The following CD247 variants were observed in gnomAD, a reference collection of about 807,000 sequenced individuals.
CD247 encodes the protein T-cell surface glycoprotein CD3 zeta chain.
CD247 carries 13 observed loss-of-function variants against 30.0 expected under a neutral mutation model. The observed-to-expected ratio is 0.43, with a 90% CI of 0.28 to 0.69. The LOEUF is 0.69. Ranked by LOEUF, CD247 falls within the 30% of genes least tolerant of loss-of-function variation. The pLI, the probability that CD247 is intolerant of heterozygous loss-of-function variation, is 0.16. For missense variants in CD247, 193 were observed against 212.6 expected, an observed-to-expected ratio of 0.91 and a Z score of 0.57; for synonymous variants, 72 against 80.0, an observed-to-expected ratio of 0.90 and a Z score of 0.53.
intron 1 of CD247, among the ~76,000 whole-genome samples, chr1:167,486,266 C>T (rs1044192276): frequency 2.0e-5 from 3 of 152,224 alleles, no homozygotes; most frequent in Admixed American, 6.5e-5. Flanking sequence ...GACACAGGAC[C>T]TGCCCGAATC....
intron 1 of CD247, among the ~76,000 whole-genome samples, chr1:167,514,428 T>C (rs943941381): frequency 2.0e-5 from 3 of 152,146 alleles, no homozygotes; most frequent in Non-Finnish European, 4.4e-5. Flanking sequence ...TTATTGATAA[T>C]TATTGCACAT....
intron 1 of CD247, among the ~76,000 whole-genome samples, chr1:167,474,397 A>C (rs942138341): frequency 6.6e-6 from 1 of 152,076 alleles, no homozygotes; most frequent in African/African-American, 2.4e-5. Flanking sequence ...TGGCAGAGGC[A>C]CACTTGTTTG....
Position 167,431,260 on chromosome 1 carries a change from A to G in CD247, c.*421T>C, listed in dbSNP as rs1260300655. ...AGGTGAAGGTGACAACAGAAGCCAA[A>G]TTTACAGCAGGAGTGAAGCCACTCA... On this transcript the variant is annotated 3_prime_UTR_variant, in exon 8 of 8. Coordinates refer to ENST00000362089, the MANE Select transcript of CD247 (RefSeq NM_198053.3). 1 of 513,044 alleles carries G rather than the reference A, an allele frequency of 1.9e-6. No individual in the cohort carries two copies. The highest frequency in any genetic ancestry group is 3.4e-6 in the Non-Finnish European group (1 of 293,256). 31.8% of individuals were successfully genotyped at this position (513,044 alleles called of 1,614,324 possible). A position where few individuals can be genotyped will look rare whatever the true frequency, so the allele number is the denominator to read the frequency against.
intron 1 of CD247, chr1:167,458,537 C>T (rs1053065566): frequency 2.0e-5 from 3 of 152,254 alleles, no homozygotes; most frequent in Non-Finnish European, 4.4e-5. Context: ...CTGTGTTCGA[C>T]TCATCTTACG....
At chr1:167,449,912 G>A (rs1175414913) in intron 1 of CD247, among the ~76,000 whole-genome samples, 1 of 150,994 alleles carries the variant, frequency 6.6e-6, no homozygotes, top group Admixed American at 6.6e-5. Context: ...GACAAAGTGA[G>A]ACTCTGTCTC....
rs1651696990 is a variant in CD247, at chr1:167,439,279, G to A, written c.219+65C>T. The A allele has an allele frequency of 4.8e-6, 7 of 1,458,496 alleles. No homozygotes were observed. The African/African-American group carries it at 8.3e-5, about 17-fold the overall frequency. 90.3% of individuals were successfully genotyped at this position (1,458,496 alleles called of 1,614,324 possible). A position where few individuals can be genotyped will look rare whatever the true frequency, so the allele number is the denominator to read the frequency against. On this transcript the variant is annotated intron_variant, in intron 3 of 7. Coordinates refer to ENST00000362089, the MANE Select transcript of CD247 (RefSeq NM_198053.3). The stretch of plus-strand genomic sequence containing the variant: ...CTAAACCCAAGACTCTGGCGGGCGC[G>A]TTCCCTAGGTCCGAGGAGGAGGCTG...
At chr1:167,516,286 C>T (rs931351571) in intron 1 of CD247, among the ~76,000 whole-genome samples, 8 of 152,258 alleles carry the variant, frequency 5.3e-5, no homozygotes, top group Non-Finnish European at 7.3e-5. Flanking sequence ...CCACTAGGCA[C>T]GCCATCTTAG....
At chr1:167,434,678 CT>C (rs1159605149) in intron 5 of CD247, 2 of 415,994 alleles carry the variant, frequency 4.8e-6, no homozygotes, top group African/African-American at 4.1e-5. Flanking sequence ...TCGTCCTTGC[CT>C]AGCTTGACCT....
Position 167,434,043 on chromosome 1 carries a change from T to A in CD247, c.370A>T (p.Ser124Cys), listed in dbSNP as rs1651406974. The change falls in exon 6 of 8, where the codon AGT (serine) becomes TGT (cysteine). Residue 124 changes from serine to cysteine, a missense_variant. By Grantham distance (112) the Ser-to-Cys change is moderately radical. Transcript: ENST00000362089. ...ACCTCGCCTTTCATCCCAATCTCAC[T>A]GTAGGCCTCCGCCATCTTATCTTTC... ...LQKDKMAEAY[S>C]EIGMKGERRR... 2 of 1,614,164 alleles carry A rather than the reference T, an allele frequency of 1.2e-6. No homozygotes were observed. The highest frequency in any genetic ancestry group is 1.7e-6 in the Non-Finnish European group (2 of 1,179,976).
At chr1:167,434,430 G>A in intron 5 of CD247, 1 of 380,216 alleles carries the variant, frequency 2.6e-6, no homozygotes, top group Non-Finnish European at 5.0e-6. Flanking sequence ...ATCTGAGCAA[G>A]TTGTCTCTTT....
chr1:167,517,656 T>A (rs190996931), intron 1 of CD247, among the ~76,000 whole-genome samples: 2 of 152,256 alleles, frequency 1.3e-5, no homozygotes, highest in Non-Finnish European at 1.5e-5. Flanking sequence ...CCGTGTTCTG[T>A]CAATGCCGGG....
chr1:167,510,528 A>C (rs858550), intron 1 of CD247, among the ~76,000 whole-genome samples: 116,903 of 152,132 alleles, frequency 0.77, 45,226 homozygotes, highest in African/African-American at 0.85. Flanking sequence ...TCAGGCCAGT[A>C]AACCCAGGGG....
intron 1 of CD247, among the ~76,000 whole-genome samples, chr1:167,503,433 G>T (rs1436522274): frequency 6.6e-6 from 1 of 152,198 alleles, no homozygotes; most frequent in Non-Finnish European, 1.5e-5. Flanking sequence ...GCCAAGAGGG[G>T]TGAAATTAAT....
chr1:167,485,626 C>T (rs910917189), intron 1 of CD247, among the ~76,000 whole-genome samples: 1 of 151,984 alleles, frequency 6.6e-6, no homozygotes, highest in Non-Finnish European at 1.5e-5. Context: ...TGCTGGCTGG[C>T]GTGCTAGGCT....
At chr1:167,495,707 C>T (rs1654663105) in intron 1 of CD247, among the ~76,000 whole-genome samples, 1 of 152,058 alleles carries the variant, frequency 6.6e-6, no homozygotes, top group South Asian at 2.1e-4. Flanking sequence ...ACCTCACCTC[C>T]TACTGGCCTT....
intron 1 of CD247, among the ~76,000 whole-genome samples, chr1:167,470,224 A>G (rs879304709): frequency 6.6e-6 from 1 of 152,064 alleles, no homozygotes. Context: ...TTTTCTCAGT[A>G]CTTTAAAATA....
At chr1:167,467,637 C>T (rs1571553470) in intron 1 of CD247, among the ~76,000 whole-genome samples, 2 of 152,250 alleles carry the variant, frequency 1.3e-5, no homozygotes, top group East Asian at 3.9e-4. Context: ...GGGCTGCTGG[C>T]TTTCAGTCAT....
chr1:167,437,193 G>A (rs1181657275), intron 4 of CD247, among the ~76,000 whole-genome samples: 7 of 152,110 alleles, frequency 4.6e-5, no homozygotes, highest in South Asian at 4.1e-4. Context: ...ACTTGAGGTC[G>A]AAAGTTCGAG....
intron 1 of CD247, among the ~76,000 whole-genome samples, chr1:167,512,070 C>G (rs1441275485): frequency 6.6e-6 from 1 of 152,072 alleles, no homozygotes; most frequent in Non-Finnish European, 1.5e-5. Flanking sequence ...AAATTAGTTG[C>G]TGAGTAGCAC....
Sources: allele counts gnomAD v4.1 joint callset (sites outside exome capture counted in the v4.1 genomes callset), GRCh38; gene constraint gnomAD v4.1.1; transcripts MANE v1.5; gene names NCBI Gene and HGNC (gene_info 2026-07-23, HGNC 2026-07-21).